The following SCRG1 variants were observed in gnomAD, a reference collection of about 807,000 sequenced individuals.
SCRG1 encodes the protein stimulator of chondrogenesis 1.
A neutral mutation model predicts 7.7 loss-of-function variants in SCRG1; 3 were observed. The observed-to-expected ratio is 0.39, with a 90% CI of 0.18 to 1.01. The LOEUF is 1.01. Ranked by LOEUF, SCRG1 falls within the 50% of genes least tolerant of loss-of-function variation. The probability of loss-of-function intolerance (pLI) is 0.36; values close to 1 mark genes in which losing one functional copy is unlikely to be tolerated. For missense variants in SCRG1, 110 were observed against 117.2 expected (o/e 0.94, Z 0.28); for synonymous variants, 46 against 41.2 (o/e 1.12, Z -0.44).
At chr4:173,440,844 A>G in the SCRG1 span, among the ~76,000 whole-genome samples, 2 of 152,178 alleles carry the variant, frequency 1.3e-5, no homozygotes, top group East Asian at 3.8e-4. Context: ...TGGCCTGTAG[A>G]TGCATCACTC....
chr4:173,497,019 T>C, the SCRG1 span, among the ~76,000 whole-genome samples: 1 of 152,054 alleles, frequency 6.6e-6, no homozygotes, highest in African/African-American at 2.4e-5. Flanking sequence ...GGCAGGAGAA[T>C]GGCGTGAACC....
chr4:173,431,328 G>A, the SCRG1 span, among the ~76,000 whole-genome samples: 1 of 152,120 alleles, frequency 6.6e-6, no homozygotes, highest in Non-Finnish European at 1.5e-5. Context: ...GGAAGTTTCA[G>A]TCTGTACTCC....
At chr4:173,480,683 G>A in the SCRG1 span, among the ~76,000 whole-genome samples, 7,494 of 152,036 alleles carry the variant, frequency 0.049, 630 homozygotes, top group African/African-American at 0.17. Context: ...TATGGACTGC[G>A]TATTATATGA....
Position 173,391,180 on chromosome 4 carries a change from A to C in SCRG1, c.235T>G (p.Cys79Gly). ...GTGATACCATTTCCTTACTTTGGGC[A>C]GCAGAGCAATTCGCTGAAGTTGCAG... ...CYCNFSELLC[C>G]PKDVFFGPKI... The change falls in exon 2 of 3, where the codon TGC (cysteine) becomes GGC (glycine). Residue 79 changes from cysteine to glycine, a missense_variant. By Grantham distance (159) the Cys-to-Gly change is radical. Coordinates refer to ENST00000296506, the MANE Select transcript of SCRG1 (RefSeq NM_007281.4). The C allele has an allele frequency of 6.2e-7, 1 of 1,614,132 alleles. No homozygotes were observed. Among genetic ancestry groups the C allele is most frequent in the South Asian group, 1.1e-5 (1 of 91,084 alleles).
At position 173,391,139 on chromosome 4, in the gene SCRG1, C is replaced by T. The variant is rs760529723; in HGVS notation, c.242+34G>A. 3.7e-5 allele frequency: 59 copies of T among 1,608,622 alleles called. 1 individual carries two copies. In the South Asian group the frequency reaches 6.4e-4, roughly 17 times the overall value. ...GCTAAAAGTTGTTCTGCATACATTT[C>T]CAGGCAATACACTTTGTGATACCAT... On this transcript the variant is annotated intron_variant, in intron 2 of 2. Coordinates refer to ENST00000296506, the MANE Select transcript of SCRG1 (RefSeq NM_007281.4).
At chr4:173,500,459 C>A in the SCRG1 span, among the ~76,000 whole-genome samples, 3 of 143,432 alleles carry the variant, frequency 2.1e-5, no homozygotes, top group Non-Finnish European at 4.6e-5. Context: ...CCAACGAAGA[C>A]CCTTAGTAAA....
At chr4:173,476,363 A>AAAAAAAAATATATATAT in the SCRG1 span, among the ~76,000 whole-genome samples, 9 of 98,484 alleles carry the variant, frequency 9.1e-5, no homozygotes, top group East Asian at 3.6e-4. Flanking sequence ...GGAAAAAAAA[A>AAAAAAAAATATATATAT]ATATATATAT....
chr4:173,485,062 T>TCA, the SCRG1 span, among the ~76,000 whole-genome samples: 1 of 7,824 alleles, frequency 1.3e-4, no homozygotes, highest in Non-Finnish European at 2.7e-4. Flanking sequence ...ATATTATATA[T>TCA]TATATATTAT....
chr4:173,405,043 A>G (rs749771663), intron 1 of SCRG1, among the ~76,000 whole-genome samples: 12 of 152,288 alleles, frequency 7.9e-5, no homozygotes, highest in Admixed American at 1.3e-4. Flanking sequence ...ATTATTAACT[A>G]AAGTTCATAC....
At chr4:173,516,969 G>A in the SCRG1 span, among the ~76,000 whole-genome samples, 1 of 152,238 alleles carries the variant, frequency 6.6e-6, no homozygotes, top group Admixed American at 6.5e-5. Context: ...AAAGTGGAGA[G>A]AAATTTTGTG....
At chr4:173,515,324 C>T in the SCRG1 span, among the ~76,000 whole-genome samples, 11 of 151,982 alleles carry the variant, frequency 7.2e-5, no homozygotes, top group African/African-American at 2.4e-4. The surrounding 1 kb of genome is among the most constrained non-coding windows in gnomAD (Gnocchi z 4.6). Flanking sequence ...TCTCCTTCCA[C>T]AGGAAATGAG....
intron 1 of SCRG1, among the ~76,000 whole-genome samples, chr4:173,394,399 CT>C (rs1375544291): frequency 6.6e-6 from 1 of 152,118 alleles, no homozygotes; most frequent in Non-Finnish European, 1.5e-5. Flanking sequence ...AATCCCAGCA[CT>C]TTGGGAGGCC....
At chr4:173,503,505 T>TAAAC in the SCRG1 span, among the ~76,000 whole-genome samples, 1 of 151,880 alleles carries the variant, frequency 6.6e-6, no homozygotes, top group Non-Finnish European at 1.5e-5. This position sits in a 1 kb window ranked among gnomAD's most constrained non-coding sequence, Gnocchi z 6.4. Flanking sequence ...GTTGCAAGGG[T>TAAAC]AAACAGCTGG....
chr4:173,443,422 T>C, the SCRG1 span, among the ~76,000 whole-genome samples: 1 of 152,102 alleles, frequency 6.6e-6, no homozygotes, highest in Non-Finnish European at 1.5e-5. Context: ...AACAGAAAGA[T>C]GCCAAACAAC....
chr4:173,452,871 T>C, the SCRG1 span, among the ~76,000 whole-genome samples: 12,317 of 152,240 alleles, frequency 0.081, 587 homozygotes, highest in Non-Finnish European at 0.097. Flanking sequence ...AGAAATACAA[T>C]ACAGATTTCT....
chr4:173,476,363 A>ATATATATAT, the SCRG1 span, among the ~76,000 whole-genome samples: 1 of 98,484 alleles, frequency 1.0e-5, no homozygotes, highest in African/African-American at 3.1e-5. Flanking sequence ...GGAAAAAAAA[A>ATATATATAT]ATATATATAT....
the SCRG1 span, among the ~76,000 whole-genome samples, chr4:173,451,593 T>C: frequency 6.9e-6 from 1 of 145,094 alleles, no homozygotes; most frequent in Admixed American, 7.0e-5. Flanking sequence ...ATTGCTACAG[T>C]GGTACCATTT....
chr4:173,465,633 C>CAT, the SCRG1 span, among the ~76,000 whole-genome samples: 1 of 151,180 alleles, frequency 6.6e-6, no homozygotes, highest in African/African-American at 2.4e-5. Context: ...TATATACCTA[C>CAT]ATATATATAT....
the SCRG1 span, among the ~76,000 whole-genome samples, chr4:173,413,105 G>A: frequency 6.6e-6 from 1 of 150,908 alleles, no homozygotes; most frequent in East Asian, 1.9e-4. Context: ...GATCTCATAA[G>A]TTGCATTTCC....
Sources: allele counts gnomAD v4.1 joint callset (sites outside exome capture counted in the v4.1 genomes callset), GRCh38; gene constraint gnomAD v4.1.1; non-coding constraint Gnocchi (gnomAD v3.1); transcripts MANE v1.5; gene names NCBI Gene and HGNC (gene_info 2026-07-23, HGNC 2026-07-21).